Variants in RASGRF1 observed in about 807,000 individuals in gnomAD.
RASGRF1 encodes Ras protein specific guanine nucleotide releasing factor 1.
Under a neutral mutation model 138.7 loss-of-function variants are expected in RASGRF1, and 40 were observed. That is an observed-to-expected ratio of 0.29 (90% CI 0.22 to 0.38). The LOEUF (loss-of-function observed/expected upper bound fraction) is 0.38. RASGRF1 is among the 10% of genes least tolerant of loss of function. RASGRF1 has a pLI of 1.00. For synonymous variants in RASGRF1, 614 were observed against 663.2 expected (o/e 0.93, Z 1.14); for missense variants, 1,108 against 1,650.4 (o/e 0.67, Z 5.69).
At chr15:78,970,003 C>T (rs886113839) in intron 26 of RASGRF1, among the ~76,000 whole-genome samples, 6 of 152,182 alleles carry the variant, frequency 3.9e-5, no homozygotes, top group African/African-American at 1.4e-4. Flanking sequence ...TGATTTTTCT[C>T]CTTCGATACG....
intron 1 of RASGRF1, among the ~76,000 whole-genome samples, chr15:79,065,546 G>A (rs753039687): frequency 2.0e-5 from 3 of 152,074 alleles, no homozygotes; most frequent in Non-Finnish European, 4.4e-5. Context: ...GCATTGGCAG[G>A]AGGAAGGGGC....
intron 20 of RASGRF1, among the ~76,000 whole-genome samples, chr15:78,995,279 C>T (rs1278259455): frequency 2.8e-4 from 33 of 118,914 alleles, no homozygotes; most frequent in African/African-American, 9.7e-4. Flanking sequence ...GAATACATTT[C>T]TTTTTTCTTT....
intron 2 of RASGRF1, 80 bp downstream of exon 2, chr15:79,064,340 T>C: frequency 7.4e-7 from 1 of 1,357,036 alleles, no homozygotes; most frequent in Non-Finnish European, 1.0e-6. Flanking sequence ...GGGCTTGGCT[T>C]TGTTCAAAGG....
intron 20 of RASGRF1, among the ~76,000 whole-genome samples, chr15:78,993,428 C>A (rs2056324420): frequency 6.6e-6 from 1 of 151,578 alleles, no homozygotes; most frequent in Non-Finnish European, 1.5e-5. Context: ...GTGAGTTTTT[C>A]CTGGCAGAGC....
chr15:78,976,559 AACAC>A (rs58602180), intron 24 of RASGRF1, among the ~76,000 whole-genome samples: 6 of 148,650 alleles, frequency 4.0e-5, no homozygotes, highest in Non-Finnish European at 9.0e-5. Context: ...CACTCAATCA[AACAC>A]ACACACACAC....
At chr15:79,076,708 G>A (rs1329192764) in intron 1 of RASGRF1, among the ~76,000 whole-genome samples, 5 of 152,234 alleles carry the variant, frequency 3.3e-5, no homozygotes, top group Non-Finnish European at 5.9e-5. Flanking sequence ...AGACCCAGAC[G>A]TGTATTTTCT....
At chr15:79,048,599 A>C (rs929707282) in intron 4 of RASGRF1, among the ~76,000 whole-genome samples, 3 of 152,200 alleles carry the variant, frequency 2.0e-5, no homozygotes, top group African/African-American at 7.2e-5. Context: ...AATGTTAGCT[A>C]TTTCTATTCT....
At chr15:79,049,345 A>C in intron 4 of RASGRF1, 151 bp downstream of exon 4, 1 of 708,114 alleles carries the variant, frequency 1.4e-6, no homozygotes, top group South Asian at 1.7e-5. Flanking sequence ...TTCAGGGATA[A>C]GGGAGTGTGG....
chr15:79,042,404 G>A (rs1415450891), intron 5 of RASGRF1, among the ~76,000 whole-genome samples: 2 of 152,236 alleles, frequency 1.3e-5, no homozygotes, highest in Non-Finnish European at 2.9e-5. Context: ...TGTGGTCTGA[G>A]GCAGGGAGAG....
intron 5 of RASGRF1, among the ~76,000 whole-genome samples, chr15:79,039,296 C>CAA (rs71148587): frequency 7.9e-4 from 40 of 50,380 alleles, no homozygotes; most frequent in Non-Finnish European, 1.1e-3. Flanking sequence ...GACCCTGTCT[C>CAA]AAAAAAAAAA....
At chr15:79,062,439 C>T (rs548800659) in intron 2 of RASGRF1, among the ~76,000 whole-genome samples, 1 of 152,342 alleles carries the variant, frequency 6.6e-6, no homozygotes, top group South Asian at 2.1e-4. Context: ...CCACCGTTCA[C>T]AGGGGAAAGG....
chr15:78,979,271 C>G (rs2055962452), intron 24 of RASGRF1: 1 of 1,083,250 alleles, frequency 9.2e-7, no homozygotes, highest in South Asian at 1.7e-5. Flanking sequence ...AAGGACAGAC[C>G]AAATGCGGCA....
At chr15:79,018,023 A>G in intron 11 of RASGRF1, 117 bp from the exon 12 acceptor site, 1 of 1,241,998 alleles carries the variant, frequency 8.1e-7, no homozygotes, top group Non-Finnish European at 1.1e-6. Context: ...GTAAGGCACC[A>G]GGCCAATTGC....
chr15:78,968,279 T>TG (rs1567417630), intron 26 of RASGRF1, among the ~76,000 whole-genome samples: 34 of 151,218 alleles, frequency 2.2e-4, no homozygotes, highest in African/African-American at 8.3e-4. Context: ...TGTGTGTGTG[T>TG]TTTATTTTTA....
chr15:78,979,113 G>T (rs1421129351), intron 24 of RASGRF1: 16 of 1,289,768 alleles, frequency 1.2e-5, no homozygotes, highest in Non-Finnish European at 1.6e-5. Flanking sequence ...AATGCACGGA[G>T]GGGGCAGCTC....
chr15:78,972,063 T>C, intron 25 of RASGRF1, 129 bp from the exon 26 acceptor site: 1 of 821,610 alleles, frequency 1.2e-6, no homozygotes, highest in South Asian at 1.4e-5. Context: ...TGTTGCCTCC[T>C]GGAAGGTCCC....
chr15:79,031,769 GA>G (rs2057142446), intron 7 of RASGRF1, among the ~76,000 whole-genome samples: 1 of 151,870 alleles, frequency 6.6e-6, no homozygotes, highest in African/African-American at 2.4e-5. Flanking sequence ...GTGGGAGAGA[GA>G]AAATGGTTCT....
chr15:78,975,515 CTTT>C (rs55747212), intron 24 of RASGRF1, among the ~76,000 whole-genome samples: 8 of 140,456 alleles, frequency 5.7e-5, no homozygotes, highest in African/African-American at 7.9e-5. Flanking sequence ...CTTTCTTTTT[CTTT>C]TTTTTTTTTT....
intron 3 of RASGRF1, 36 bp downstream of exon 3, chr15:79,058,298 C>A: frequency 6.2e-7 from 1 of 1,600,324 alleles, no homozygotes; most frequent in Non-Finnish European, 8.5e-7. Context: ...AGATGTTGTG[C>A]CTAGGGCCTG....
Sources: allele counts gnomAD v4.1 joint callset (sites outside exome capture counted in the v4.1 genomes callset), GRCh38; gene constraint gnomAD v4.1.1; transcripts MANE v1.5; gene names NCBI Gene and HGNC (gene_info 2026-07-23, HGNC 2026-07-21).